The following CWC22 variants were observed in gnomAD, a reference collection of about 807,000 sequenced individuals.
CWC22 encodes pre-mRNA-splicing factor CWC22 homolog.
Under a neutral mutation model 117.2 loss-of-function variants are expected in CWC22, and 53 were observed. That is an observed-to-expected ratio of 0.45 (90% CI 0.36 to 0.57). CWC22 has a LOEUF of 0.57. Ranked by LOEUF, CWC22 falls within the 20% of genes least tolerant of loss-of-function variation. The pLI is 0.00. For missense variants in CWC22, 980 were observed against 1,068.8 expected (o/e 0.92, Z 1.16); for synonymous variants, 360 against 355.6 (o/e 1.01, Z -0.14).
At chr2:179,978,809 C>G (rs529462262) in intron 5 of CWC22, among the ~76,000 whole-genome samples, 1 of 152,198 alleles carries the variant, frequency 6.6e-6, no homozygotes, top group Admixed American at 6.5e-5. Context: ...TTTTAAGCCA[C>G]AAAGAAATGG....
chr2:179,978,312 T>C lies in CWC22; in HGVS notation c.459A>G (p.Ala153=), dbSNP rs780858474. Residue 153 remains alanine (A), a synonymous_variant, in exon 6 of 20, where the codon GCA becomes GCG. Coordinates refer to ENST00000410053, the MANE Select transcript of CWC22 (RefSeq NM_020943.3). ...QEQITDKNSL[A]YQRMSWEALK... ...GGGCCTCCCAACTCATCCTCTGGTA[T>C]GCTAAGCTAAAAAGAAGTGATTTTA... 2.0e-6 allele frequency: 3 copies of C among 1,496,734 alleles called. No homozygotes were observed. The highest frequency in any genetic ancestry group is 2.5e-5 in the Admixed American group (1 of 40,432). 92.7% of individuals were successfully genotyped at this position (1,496,734 alleles called of 1,614,324 possible).
Position 179,978,131 on chromosome 2 carries a change from T to C in CWC22, c.581+59A>G, listed in dbSNP as rs978099420. On this transcript the variant is annotated intron_variant, in intron 6 of 19. Transcript: ENST00000410053. The stretch of plus-strand genomic sequence containing the variant: ...AATCAATGATTATTGTTCATGTAGA[T>C]ATTATATTCCTTTGAAAAAATACTT... The C allele has an allele frequency of 8.6e-6, 12 of 1,388,868 alleles. No homozygotes were observed. The African/African-American group carries it at 8.9e-5, about 10-fold the overall frequency. The allele number at this position is 1,388,868 out of a possible 1,614,324, so 86.0% of individuals were successfully genotyped here. A position where few individuals can be genotyped will look rare whatever the true frequency, so the allele number is the denominator to read the frequency against.
intron 17 of CWC22, among the ~76,000 whole-genome samples, chr2:179,951,946 A>T (rs1169410955): frequency 6.6e-6 from 1 of 152,120 alleles, no homozygotes; most frequent in Non-Finnish European, 1.5e-5. Flanking sequence ...GTGGTCACTG[A>T]GAAATCTGAA....
chr2:179,962,587 G>T (rs1686781067), intron 13 of CWC22, among the ~76,000 whole-genome samples: 1 of 151,900 alleles, frequency 6.6e-6, no homozygotes, highest in African/African-American at 2.4e-5. Context: ...AATTTTCAGT[G>T]GTGGCATAGA....
chr2:179,952,721 T>G (rs763372079), intron 16 of CWC22, 123 bp from the exon 17 acceptor site: 2 of 488,578 alleles, frequency 4.1e-6, no homozygotes, highest in Non-Finnish European at 6.8e-6. Flanking sequence ...TCAACCAGAG[T>G]TATCTCTGAA....
chr2:179,970,746 G>A lies in CWC22; in HGVS notation c.1051C>T (p.Pro351Ser). 1 of 1,613,600 alleles carries A rather than the reference G, an allele frequency of 6.2e-7. No individual in the cohort carries two copies. The highest frequency in any genetic ancestry group is 8.5e-7 in the Non-Finnish European group (1 of 1,179,692). ...AAATCAAGACCTTCTAGGATAATGG[G>A]GTGGTCCTTGAATCCATCTTTCCGT... Reference protein sequence around the residue: ...AVRKDGFKDHPIILEGLDLVE... With the variant: ...AVRKDGFKDHSIILEGLDLVE... Residue 351 changes from proline (P) to serine (S), a missense_variant, in exon 10 of 20, where the codon CCC (proline) becomes TCC (serine). Physicochemically the swap from Pro to Ser is moderately conservative, Grantham distance 74. Coordinates refer to ENST00000410053, the MANE Select transcript of CWC22 (RefSeq NM_020943.3).
At chr2:179,986,885 T>C (rs963418847) in intron 3 of CWC22, 80 bp from the exon 4 acceptor site, 5 of 713,262 alleles carry the variant, frequency 7.0e-6, no homozygotes, top group Middle Eastern at 5.0e-4. Flanking sequence ...ATATTGGTAA[T>C]GGTAAAGCAA....
Position 179,999,944 on chromosome 2 carries a change from G to A in CWC22, c.-113-6490C>T, listed in dbSNP as rs539524819. 7.9e-5 allele frequency among the ~76,000 whole-genome samples: 12 copies of A among 152,216 alleles called. 1 individual carries two copies. In the East Asian group the frequency reaches 1.7e-3, roughly 22 times the overall value. On this transcript the variant is annotated intron_variant, in intron 1 of 19. Coordinates refer to ENST00000410053, the MANE Select transcript of CWC22 (RefSeq NM_020943.3). ...ATAATGGGAGGGGACATAACGGAAC[G>A]GAATTCTCAGAAAATACCTCAACAA...
rs756207252 is a variant in CWC22, at chr2:179,954,362, T to C, written c.1537-5A>G. The C allele has an allele frequency of 1.3e-6, 2 of 1,547,516 alleles. No homozygotes were observed. Among genetic ancestry groups the C allele is most frequent in the Non-Finnish European group, 1.8e-6 (2 of 1,132,174 alleles). On this transcript the variant is annotated splice_polypyrimidine_tract_variant and splice_region_variant and intron_variant, in intron 15 of 19. Transcript: ENST00000410053. ...TTTCTTTAGCATGCAAAATCGCTAA[T>C]AAATAAAAAATCAGTACCATTAAAA...
chr2:179,969,971 C>G (rs1686990146), intron 11 of CWC22, among the ~76,000 whole-genome samples: 1 of 152,064 alleles, frequency 6.6e-6, no homozygotes, highest in Non-Finnish European at 1.5e-5. Flanking sequence ...CTAGTAATGT[C>G]AAAGATAAAT....
At chr2:179,961,120 A>G (rs1686737769) in intron 13 of CWC22, among the ~76,000 whole-genome samples, 1 of 152,000 alleles carries the variant, frequency 6.6e-6, no homozygotes, top group African/African-American at 2.4e-5. Flanking sequence ...AGTAAATATA[A>G]AATAACTTGC....
chr2:179,986,131 C>G (rs1448561917), intron 4 of CWC22, among the ~76,000 whole-genome samples: 1 of 152,038 alleles, frequency 6.6e-6, no homozygotes, highest in Non-Finnish European at 1.5e-5. Flanking sequence ...TTCCCTTGCC[C>G]ATTTCTCAAC....
At position 179,986,760 on chromosome 2, in the gene CWC22, A is replaced by G; in HGVS notation, c.141T>C (p.Asp47=). Residue 47 remains aspartate (D), a synonymous_variant, in exon 4 of 20, where the codon GAT becomes GAC. Coordinates refer to ENST00000410053, the MANE Select transcript of CWC22 (RefSeq NM_020943.3). ...ERSPRDRDYF[D]YSRSDYEHSR... ...AATGCTCATAGTCTGATCTGCTGTA[A>G]TCAAAGTAATCTCTATCCCGGGGGG... is the stretch of plus-strand genomic sequence containing the variant. The G allele has an allele frequency of 6.2e-7, 1 of 1,609,306 alleles. No individual in the cohort carries two copies. The highest frequency in any genetic ancestry group is 8.5e-7 in the Non-Finnish European group (1 of 1,177,326).
intron 1 of CWC22, among the ~76,000 whole-genome samples, chr2:179,993,950 T>C (rs1687635406): frequency 6.6e-6 from 1 of 152,176 alleles, no homozygotes; most frequent in Non-Finnish European, 1.5e-5. Flanking sequence ...AAATTTAAGG[T>C]GCTAAACTAC....
At chr2:179,959,134 C>CT in intron 13 of CWC22, 52 bp from the exon 14 acceptor site, 5 of 1,006,776 alleles carry the variant, frequency 5.0e-6, no homozygotes, top group Non-Finnish European at 7.5e-6. Flanking sequence ...ACTGTACACT[C>CT]TTATACACAA....
chr2:179,994,833 A>G (rs1428559373), intron 1 of CWC22, among the ~76,000 whole-genome samples: 4 of 152,118 alleles, frequency 2.6e-5, no homozygotes, highest in Non-Finnish European at 5.9e-5. Flanking sequence ...GTTGTCCCCC[A>G]ATCTTTTCTT....
intron 8 of CWC22, among the ~76,000 whole-genome samples, chr2:179,971,778 T>C (rs1036582652): frequency 6.6e-6 from 1 of 152,192 alleles, no homozygotes; most frequent in Non-Finnish European, 1.5e-5. Context: ...ACACCATACA[T>C]ATGCCTTTCT....
intron 19 of CWC22, among the ~76,000 whole-genome samples, chr2:179,946,874 T>C (rs1481766550): frequency 2.6e-5 from 4 of 152,154 alleles, no homozygotes; most frequent in Non-Finnish European, 5.9e-5. Flanking sequence ...AGAGCAGATA[T>C]GTTAAGATTT....
intron 7 of CWC22, 78 bp downstream of exon 7, chr2:179,973,556 A>G (rs912006550): frequency 5.4e-6 from 5 of 928,872 alleles, no homozygotes; most frequent in Non-Finnish European, 8.0e-6. Flanking sequence ...GTCAAAATCA[A>G]CCTTGCTTAC....
Sources: allele counts gnomAD v4.1 joint callset (sites outside exome capture counted in the v4.1 genomes callset), GRCh38; gene constraint gnomAD v4.1.1; transcripts MANE v1.5; gene names NCBI Gene and HGNC (gene_info 2026-07-23, HGNC 2026-07-21).